AFDN: variants seen among roughly 807,000 people sequenced by gnomAD.
AFDN encodes the protein afadin.
AFDN carries 68 observed loss-of-function variants against 216.6 expected under a neutral mutation model. The ratio of observed to expected loss-of-function variants is 0.31; its 90% confidence interval spans 0.26 to 0.38. AFDN has a LOEUF of 0.38. AFDN is among the 10% of genes least tolerant of loss of function. The pLI, the probability that AFDN is intolerant of heterozygous loss-of-function variation, is 1.00. For synonymous variants in AFDN, 868 were observed against 853.7 expected (o/e 1.02, Z -0.29); for missense variants, 2,136 against 2,342.0 (o/e 0.91, Z 1.82).
intron 23 of AFDN, among the ~76,000 whole-genome samples, chr6:167,939,221 A>G (rs1794386807): frequency 6.6e-6 from 1 of 152,224 alleles, no homozygotes; most frequent in South Asian, 2.1e-4. Context: ...ATAATTGGTT[A>G]TCTTAGTAAA....
chr6:167,861,882 AT>A (rs1562568032), intron 1 of AFDN, among the ~76,000 whole-genome samples: 1 of 152,334 alleles, frequency 6.6e-6, no homozygotes, highest in East Asian at 1.9e-4. Context: ...ATGTAAAACT[AT>A]TTTGTTAGCA....
At chr6:167,833,984 G>T (rs1370410002) in intron 1 of AFDN, among the ~76,000 whole-genome samples, 2 of 152,152 alleles carry the variant, frequency 1.3e-5, no homozygotes, top group Non-Finnish European at 2.9e-5. Flanking sequence ...TACATAGGTT[G>T]CAAAGAACAT....
intron 23 of AFDN, among the ~76,000 whole-genome samples, chr6:167,938,921 T>G (rs1023582453): frequency 6.6e-6 from 1 of 152,222 alleles, no homozygotes; most frequent in African/African-American, 2.4e-5. Context: ...CAACTGTGTG[T>G]GCAGGGGCTT....
In AFDN at chr6:167,951,319, G is replaced by T. The variant is rs778803324; in HGVS notation, c.3965G>T (p.Ser1322Ile). ...AATCAGAGCTCCTCACTGGACTCCA[G>T]TACCTCTAGCCAGGAGCATCTGAAC... Reference protein sequence around the residue: ...WINQSSSLDSSTSSQEHLNHS... With the variant: ...WINQSSSLDSITSSQEHLNHS... The change falls in exon 30 of 34, where the codon AGT (serine) becomes ATT (isoleucine). Residue 1322 changes from serine (S) to isoleucine (I), a missense_variant. Physicochemically the swap from Ser to Ile is moderately radical, Grantham distance 142 (BLOSUM62 -2). Transcript: ENST00000683244. The surrounding 1 kb of genome is among the most constrained non-coding windows in gnomAD (Gnocchi z 7.1). The T allele has an allele frequency of 1.9e-6, 3 of 1,614,174 alleles. No homozygotes were observed. The highest frequency in any genetic ancestry group is 2.5e-6 in the Non-Finnish European group (3 of 1,180,026).
intron 6 of AFDN, among the ~76,000 whole-genome samples, chr6:167,883,757 G>T (rs972670072): frequency 6.6e-6 from 1 of 152,210 alleles, no homozygotes; most frequent in Non-Finnish European, 1.5e-5. Context: ...TGGTGCAGGG[G>T]CTTGCGTGGA....
chr6:167,948,308 C>T lies in AFDN; in HGVS notation c.3661C>T (p.Pro1221Ser), dbSNP rs1795570115. 3 of 1,613,520 alleles carry T rather than the reference C, an allele frequency of 1.9e-6. No homozygotes were observed. In the South Asian group the frequency reaches 3.3e-5, roughly 18 times the overall value. Residue 1221 changes from proline to serine, a missense_variant, in exon 29 of 34, where the codon CCT becomes TCT. Coordinates refer to ENST00000683244, the MANE Select transcript of AFDN (RefSeq NM_001386888.1). Reference protein sequence around the residue: ...NLCTEEQTPPPRPEAYPIPTQ... With the variant: ...NLCTEEQTPPSRPEAYPIPTQ... ...CATTTTACAGGAGCAGACGCCTCCG[C>T]CTAGACCTGAAGCCTACCCCATCCC...
chr6:167,868,973 G>A (rs965556592), intron 2 of AFDN, among the ~76,000 whole-genome samples: 3 of 150,342 alleles, frequency 2.0e-5, no homozygotes, highest in African/African-American at 7.4e-5. Context: ...ATCGGATCTT[G>A]CCATGTTGCC....
At chr6:167,909,520 A>G (rs1413534316) in intron 13 of AFDN, among the ~76,000 whole-genome samples, 1 of 152,152 alleles carries the variant, frequency 6.6e-6, no homozygotes, top group South Asian at 2.1e-4. Context: ...TAACTTATTT[A>G]ATGAGTGGAC....
chr6:167,965,952 C>G lies in AFDN; in HGVS notation c.5164C>G (p.Leu1722Val). Reference protein sequence around the residue: ...PPPPQRNASYLKTQVLSPDSL... With the variant: ...PPPPQRNASYVKTQVLSPDSL... ...CCCGCCTCAGCGAAACGCCTCCTAC[C>G]TCAAAACACAGGTCCTCTCCCCCGA... is the stretch of plus-strand genomic sequence containing the variant. The change falls in exon 32 of 34, where the codon CTC (leucine) becomes GTC (valine). Residue 1722 changes from leucine to valine, a missense_variant. Coordinates refer to ENST00000683244, the MANE Select transcript of AFDN (RefSeq NM_001386888.1). 6.4e-7 allele frequency: 1 copy of G among 1,551,166 alleles called. No individual in the cohort carries two copies. Among genetic ancestry groups the G allele is most frequent in the Non-Finnish European group, 8.7e-7 (1 of 1,146,932 alleles).
chr6:167,942,344 T>C (rs1178341206), intron 23 of AFDN, among the ~76,000 whole-genome samples: 3 of 152,236 alleles, frequency 2.0e-5, no homozygotes, highest in Non-Finnish European at 4.4e-5. Flanking sequence ...AATGGATTTG[T>C]ATTTGTCTTC....
Position 167,898,979 on chromosome 6 carries a change from A to G in AFDN, c.1580+512A>G, listed in dbSNP as rs574962558. 3.3e-5 allele frequency among the ~76,000 whole-genome samples: 5 copies of G among 152,254 alleles called. No individual in the cohort carries two copies. In the South Asian group the frequency reaches 1.0e-3, roughly 32 times the overall value. ...TAAAATTTTTTTGTAGGTAGGGAATATGACTTCTCCTTTGGTTTTACTTTT... is the reference window on the plus strand; with the variant it reads ...TAAAATTTTTTTGTAGGTAGGGAATGTGACTTCTCCTTTGGTTTTACTTTT... On this transcript the variant is annotated intron_variant, in intron 11 of 33. Coordinates refer to ENST00000683244, the MANE Select transcript of AFDN (RefSeq NM_001386888.1).
intron 30 of AFDN, among the ~76,000 whole-genome samples, chr6:167,956,872 C>T (rs1425551727): frequency 6.6e-6 from 1 of 152,208 alleles, no homozygotes; most frequent in Non-Finnish European, 1.5e-5. Flanking sequence ...GAGAGACTGG[C>T]AGGATCCCTC....
At chr6:167,861,382 C>T (rs145236654) in intron 1 of AFDN, among the ~76,000 whole-genome samples, 1 of 152,148 alleles carries the variant, frequency 6.6e-6, no homozygotes, top group Non-Finnish European at 1.5e-5. Flanking sequence ...TTGGTAGAAC[C>T]TGGAACATTG....
At chr6:167,915,487 T>G in intron 19 of AFDN, 54 bp downstream of exon 19, 1 of 1,538,388 alleles carries the variant, frequency 6.5e-7, no homozygotes, top group Non-Finnish European at 8.8e-7. Flanking sequence ...AGGCATCTGA[T>G]CTTTATGATG....
chr6:167,832,814 T>C (rs181768316), intron 1 of AFDN, among the ~76,000 whole-genome samples: 9 of 152,314 alleles, frequency 5.9e-5, no homozygotes, highest in Admixed American at 5.9e-4. Context: ...TTACAGAAAA[T>C]AAGCAATGTC....
chr6:167,951,548 C>A lies in AFDN; in HGVS notation c.4194C>A (p.Pro1398=). 6.2e-7 allele frequency: 1 copy of A among 1,613,928 alleles called. No individual in the cohort carries two copies. Among genetic ancestry groups the A allele is most frequent in the Non-Finnish European group, 8.5e-7 (1 of 1,179,912 alleles). Residue 1398 remains proline (P), a synonymous_variant, in exon 30 of 34, where the codon CCC becomes CCA. Transcript: ENST00000683244. This position sits in a 1 kb window ranked among gnomAD's most constrained non-coding sequence, Gnocchi z 7.1. The part of the protein sequence containing the change: ...GMSMDLPLPP[P]PSANQIGLPS... ...CCATGGATTTGCCTCTCCCACCACC[C>A]CCTTCCGCCAACCAGATAGGGCTGC...
chr6:167,838,301 G>A (rs1325621544), intron 1 of AFDN, among the ~76,000 whole-genome samples: 3 of 134,508 alleles, frequency 2.2e-5, no homozygotes, highest in Non-Finnish European at 3.2e-5. Context: ...TGTGGAGATC[G>A]TTGTGCCTGC....
intron 7 of AFDN, among the ~76,000 whole-genome samples, chr6:167,890,199 A>G (rs1787387842): frequency 6.6e-6 from 1 of 152,226 alleles, no homozygotes; most frequent in Non-Finnish European, 1.5e-5. Context: ...CACCAAAAAA[A>G]TCTTTCTCAG....
intron 1 of AFDN, among the ~76,000 whole-genome samples, chr6:167,862,948 C>G (rs559041737): frequency 2.0e-5 from 3 of 152,274 alleles, no homozygotes; most frequent in African/African-American, 7.2e-5. Flanking sequence ...TTTGTATTTT[C>G]TCTTGGTATA....
Sources: allele counts gnomAD v4.1 joint callset (sites outside exome capture counted in the v4.1 genomes callset), GRCh38; gene constraint gnomAD v4.1.1; non-coding constraint Gnocchi (gnomAD v3.1); transcripts MANE v1.5; gene names NCBI Gene and HGNC (gene_info 2026-07-23, HGNC 2026-07-21).